The following MYH3 variants were observed in gnomAD, a reference collection of about 807,000 sequenced individuals.
MYH3 encodes myosin heavy chain 3.
Under a neutral mutation model 238.0 loss-of-function variants are expected in MYH3, and 130 were observed. The observed-to-expected ratio is 0.55, with a 90% CI of 0.47 to 0.63. The LOEUF is 0.63. Ranked by LOEUF, MYH3 falls within the 30% of genes least tolerant of loss-of-function variation. The pLI, the probability that MYH3 is intolerant of heterozygous loss-of-function variation, is 0.00. For missense variants in MYH3, 1,853 were observed against 2,374.9 expected (o/e 0.78, Z 4.57); for synonymous variants, 880 against 924.1 (o/e 0.95, Z 0.86).
chr17:10,642,038 TATAAG>T lies in MYH3; in HGVS notation c.1959+197_1959+201del, dbSNP rs1159180579. 6.6e-6 allele frequency among the ~76,000 whole-genome samples: 1 copy of T among 152,212 alleles called. No individual in the cohort carries two copies. Among genetic ancestry groups the T allele is most frequent in the Non-Finnish European group, 1.5e-5 (1 of 68,048 alleles). The stretch of plus-strand genomic sequence containing the variant: ...GACAAGCCAACTCAGCTATCTTTGG[TATAAG>T]ATAATAGTGATACTCTCATCGCACA... On this transcript the variant is annotated intron_variant, in intron 17 of 40. Coordinates refer to ENST00000583535, the MANE Select transcript of MYH3 (RefSeq NM_002470.4). The surrounding 1 kb of genome is among the most constrained non-coding windows in gnomAD (Gnocchi z 5.4).
At chr17:10,668,333 T>C in the MYH3 span, among the ~76,000 whole-genome samples, 3 of 151,132 alleles carry the variant, frequency 2.0e-5, no homozygotes, top group Non-Finnish European at 4.4e-5. Context: ...AGGCAGAAGT[T>C]GTAGTGGGCC....
intron 38 of MYH3, 56 bp from the exon 39 acceptor site, chr17:10,629,993 G>A: frequency 6.2e-7 from 1 of 1,604,132 alleles, no homozygotes; most frequent in Admixed American, 1.7e-5. Flanking sequence ...TTTGCACACG[G>A]CATGGGCAGC....
intron 17 of MYH3, among the ~76,000 whole-genome samples, chr17:10,641,790 A>ATAAT (rs2074275382): frequency 6.6e-6 from 1 of 152,202 alleles, no homozygotes; most frequent in Admixed American, 6.5e-5. Context: ...CTGGGATTAC[A>ATAAT]GGAGTGAGCC....
intron 5 of MYH3, among the ~76,000 whole-genome samples, chr17:10,651,291 T>C (rs1227732770): frequency 6.6e-6 from 1 of 151,974 alleles, no homozygotes; most frequent in Non-Finnish European, 1.5e-5. Flanking sequence ...AAAACATCCA[T>C]ATCCGTTTTG....
chr17:10,664,061 TTAAAAAA>T, the MYH3 span, among the ~76,000 whole-genome samples: 2 of 115,030 alleles, frequency 1.7e-5, no homozygotes, highest in African/African-American at 4.2e-5. Context: ...AGACTCCGTC[TTAAAAAA>T]AAAAAAAAAA....
chr17:10,668,090 C>T, the MYH3 span, among the ~76,000 whole-genome samples: 1 of 152,180 alleles, frequency 6.6e-6, no homozygotes, highest in African/African-American at 2.4e-5. Flanking sequence ...GAGATATATT[C>T]AAAGCATAAA....
At chr17:10,649,427 G>A in intron 7 of MYH3, 150 bp downstream of exon 7, 1 of 724,326 alleles carries the variant, frequency 1.4e-6, no homozygotes, top group South Asian at 1.5e-5. Flanking sequence ...CGTTGTCTAA[G>A]GTGACTGGCT....
chr17:10,640,741 G>T, intron 19 of MYH3, 55 bp from the exon 20 acceptor site: 2 of 1,595,084 alleles, frequency 1.3e-6, no homozygotes, highest in South Asian at 2.2e-5. Flanking sequence ...ACAAACCTTG[G>T]AGAACATGTA....
In MYH3 at chr17:10,629,923, C is replaced by G. The variant is rs1447774789; in HGVS notation, c.5577G>C (p.Arg1859Ser). 4 of 1,614,050 alleles carry G rather than the reference C, an allele frequency of 2.5e-6. No homozygotes were observed. Among genetic ancestry groups the G allele is most frequent in the Non-Finnish European group, 3.4e-6 (4 of 1,180,032 alleles). The stretch of plus-strand genomic sequence containing the variant: ...GATCCTGCAATCTCAGCACATTCTT[C>G]CTGTCCTCTTCACTCTAAGAATGAG... Reference protein sequence around the residue: ...KELTYQSEEDRKNVLRLQDLV... With the variant: ...KELTYQSEEDSKNVLRLQDLV... The change falls in exon 39 of 41, where the codon AGG (arginine) becomes AGC (serine). Residue 1859 changes from arginine to serine, a missense_variant. This residue lies in a region of MYH3 where 1,044 missense variants were observed against 1,192.6 expected (regional missense o/e 0.88). Transcript: ENST00000583535.
At position 10,630,351 on chromosome 17, in the gene MYH3, T is replaced by G. The variant is rs2074142851; in HGVS notation, c.5394A>C (p.Leu1798=). ...TCAGCGCCAGCTGCTCGGCCTCATC[T>G]AGACGATGCTGCAGGTCCTTCACCG... The part of the protein sequence containing the change: ...EQTVKDLQHR[L]DEAEQLALKG... The change falls in exon 37 of 41, where the codon CTA becomes CTC. Residue 1798 remains leucine (L), a synonymous_variant. Coordinates refer to ENST00000583535, the MANE Select transcript of MYH3 (RefSeq NM_002470.4). The G allele has an allele frequency of 6.2e-7, 1 of 1,614,096 alleles. No homozygotes were observed. Among genetic ancestry groups the G allele is most frequent in the Admixed American group, 1.7e-5 (1 of 60,006 alleles).
chr17:10,638,303 C>T lies in MYH3; in HGVS notation c.3469G>A (p.Val1157Ile), dbSNP rs202057477. ...LSERLEEAGG[V>I]TSTQIELNKK... The stretch of plus-strand genomic sequence containing the variant: ...TTGAGCTCTATCTGCGTGGAGGTGA[C>T]GCCTCCCGCCTCCTCCAGCCGCTCG... Residue 1157 changes from valine to isoleucine, a missense_variant, in exon 27 of 41, where the codon GTC becomes ATC. Physicochemically the swap from Val to Ile is conservative, Grantham distance 29. Transcript: ENST00000583535. 34 of 1,613,056 alleles carry T rather than the reference C, an allele frequency of 2.1e-5. No homozygotes were observed. Among genetic ancestry groups the T allele is most frequent in the Middle Eastern group, 1.7e-4 (1 of 6,060 alleles).
chr17:10,676,647 GCA>G, the MYH3 span: 1 of 152,162 alleles, frequency 6.6e-6, no homozygotes, highest in Admixed American at 6.5e-5. Context: ...ATGAAATAGT[GCA>G]CAGAGTCAGT....
the MYH3 span, chr17:10,672,848 T>A: frequency 3.2e-3 from 495 of 152,344 alleles, no homozygotes; most frequent in African/African-American, 0.011. Flanking sequence ...TTATTGTGAA[T>A]TTAGTAATTT....
upstream of MYH3, among the ~76,000 whole-genome samples, chr17:10,662,007 GCTTT>G (rs141386069): frequency 0.029 from 4,438 of 151,454 alleles, 86 homozygotes; most frequent in Non-Finnish European, 0.041. Context: ...ACCTTCCCCA[GCTTT>G]CTTTCTTTCT....
chr17:10,660,667 A>G (rs2074474142), upstream of MYH3, among the ~76,000 whole-genome samples: 2 of 126,890 alleles, frequency 1.6e-5, no homozygotes, highest in Admixed American at 8.3e-5. Flanking sequence ...ACAGAGTGAG[A>G]CTCTGACTCG....
chr17:10,677,210 G>A, the MYH3 span: 1 of 152,240 alleles, frequency 6.6e-6, no homozygotes, highest in African/African-American at 2.4e-5. Flanking sequence ...GGGAGACTCA[G>A]GCTGGAGAAT....
chr17:10,633,820 G>C, intron 32 of MYH3, 105 bp from the exon 33 acceptor site: 2 of 1,544,612 alleles, frequency 1.3e-6, no homozygotes, highest in Non-Finnish European at 1.8e-6. Flanking sequence ...ATAATCCTAA[G>C]GTTTCCTGCT....
In MYH3 at chr17:10,642,484, A is replaced by C. The variant is rs771631817; in HGVS notation, c.1821T>G (p.Val607=). Residue 607 remains valine, a synonymous_variant, in exon 16 of 41, where the codon GTT becomes GTG. Coordinates refer to ENST00000583535, the MANE Select transcript of MYH3 (RefSeq NM_002470.4). This position sits in a 1 kb window ranked among gnomAD's most constrained non-coding sequence, Gnocchi z 5.4. ...TGTTGGAAGACTTCTGGTACAGCCC[A>C]ACCACAGTCTCGTTCAGAGGGTCCT... The part of the protein sequence containing the change: ...KNKDPLNETV[V]GLYQKSSNRL... 2 of 1,614,204 alleles carry C rather than the reference A, an allele frequency of 1.2e-6. No individual in the cohort carries two copies. The highest frequency in any genetic ancestry group is 1.7e-6 in the Non-Finnish European group (2 of 1,180,036).
chr17:10,639,867 C>T, intron 22 of MYH3, 65 bp from the exon 23 acceptor site: 2 of 1,602,360 alleles, frequency 1.2e-6, no homozygotes, highest in Non-Finnish European at 1.7e-6. Flanking sequence ...CAGTATTTCA[C>T]TATATATGAA....
Sources: gnomAD v4.1 joint callset for allele counts (sites outside exome capture counted in the v4.1 genomes callset) on GRCh38, gnomAD v4.1.1 for gene constraint, gnomAD v4.1.1 regional missense constraint, Gnocchi (gnomAD v3.1) non-coding constraint, MANE v1.5 for transcripts, NCBI Gene and HGNC (gene_info 2026-07-23, HGNC 2026-07-21) for gene names.